Variants in RAP1GDS1 observed in about 807,000 individuals in gnomAD.
The protein encoded by RAP1GDS1 is Rap1 GTPase-GDP dissociation stimulator 1, also known as RAP1, GTP-GDP dissociation stimulator 1.
In RAP1GDS1, 35 loss-of-function variants were observed where a neutral mutation model predicts 71.1. That is an observed-to-expected ratio of 0.49 (90% CI 0.38 to 0.65). RAP1GDS1 has a LOEUF of 0.65. RAP1GDS1 is among the 30% of genes least tolerant of loss of function. RAP1GDS1 has a pLI of 0.00. For synonymous variants in RAP1GDS1, 229 were observed against 243.1 expected, an observed-to-expected ratio of 0.94 and a Z score of 0.54; for missense variants, 663 against 706.1, an observed-to-expected ratio of 0.94 and a Z score of 0.69.
At chr4:98,423,718 A>AT (rs1408939326) in intron 12 of RAP1GDS1, among the ~76,000 whole-genome samples, 1 of 151,782 alleles carries the variant, frequency 6.6e-6, no homozygotes, top group African/African-American at 2.4e-5. Context: ...CTAATTTTGT[A>AT]TTTTTAGTAG....
intron 6 of RAP1GDS1, among the ~76,000 whole-genome samples, chr4:98,403,788 A>C (rs1446868654): frequency 6.6e-6 from 1 of 152,168 alleles, no homozygotes; most frequent in African/African-American, 2.4e-5. Context: ...GAGATTGCTA[A>C]GTGTAGAGGC....
At chr4:98,342,713 C>A (rs1735667307) in intron 2 of RAP1GDS1, among the ~76,000 whole-genome samples, 1 of 151,958 alleles carries the variant, frequency 6.6e-6, no homozygotes, top group Non-Finnish European at 1.5e-5. Context: ...AGTTTTTTGC[C>A]TAATTGCCAT....
At chr4:98,410,147 C>A (rs778808601) in intron 7 of RAP1GDS1, among the ~76,000 whole-genome samples, 1 of 151,984 alleles carries the variant, frequency 6.6e-6, no homozygotes, top group Non-Finnish European at 1.5e-5. Context: ...TTTTTAAAGA[C>A]ACCGTTAAGA....
intron 1 of RAP1GDS1, among the ~76,000 whole-genome samples, chr4:98,285,463 A>C (rs1380517323): frequency 1.3e-5 from 2 of 152,166 alleles, no homozygotes. Flanking sequence ...AATTATTAAG[A>C]ATAGTTTCCA....
intron 1 of RAP1GDS1, among the ~76,000 whole-genome samples, chr4:98,283,484 G>T (rs1218770985): frequency 6.6e-6 from 1 of 152,092 alleles, no homozygotes; most frequent in African/African-American, 2.4e-5. Flanking sequence ...TATAAGTAGT[G>T]CAAGTAGTCA....
intron 7 of RAP1GDS1, among the ~76,000 whole-genome samples, chr4:98,411,074 GT>G (rs1307618424): frequency 2.6e-5 from 4 of 152,146 alleles, no homozygotes; most frequent in African/African-American, 4.8e-5. Context: ...TTTAAAAAAA[GT>G]TTTAAAATAC....
At chr4:98,418,483 C>A (rs1748328940) in intron 9 of RAP1GDS1, among the ~76,000 whole-genome samples, 174 bp from the exon 10 acceptor site, 2 of 152,018 alleles carry the variant, frequency 1.3e-5, no homozygotes, top group Admixed American at 1.3e-4. Context: ...TTTTTTTTAA[C>A]ACTTCTCACT....
chr4:98,358,041 G>A (rs1403640228), intron 4 of RAP1GDS1, among the ~76,000 whole-genome samples: 2 of 152,024 alleles, frequency 1.3e-5, no homozygotes, highest in East Asian at 1.9e-4. Flanking sequence ...GTGCTTAACT[G>A]TGTATAAGCA....
chr4:98,293,067 A>C (rs73834410), intron 1 of RAP1GDS1, among the ~76,000 whole-genome samples: 1 of 152,188 alleles, frequency 6.6e-6, no homozygotes, highest in Non-Finnish European at 1.5e-5. Flanking sequence ...GTAAAACTAT[A>C]TAATTTTTTA....
intron 6 of RAP1GDS1, 117 bp from the exon 7 acceptor site, chr4:98,404,360 C>T: frequency 2.1e-6 from 2 of 952,182 alleles, no homozygotes; most frequent in South Asian, 2.2e-5. Flanking sequence ...TGATTGTTCC[C>T]ATATTTGAAG....
intron 4 of RAP1GDS1, among the ~76,000 whole-genome samples, chr4:98,375,321 G>C (rs887760467): frequency 6.6e-6 from 1 of 152,074 alleles, no homozygotes; most frequent in Non-Finnish European, 1.5e-5. Context: ...TTAAAAATCT[G>C]CCCTACTCCA....
intron 4 of RAP1GDS1, among the ~76,000 whole-genome samples, chr4:98,359,604 A>G (rs1381155484): frequency 6.6e-6 from 1 of 152,212 alleles, no homozygotes; most frequent in Non-Finnish European, 1.5e-5. Flanking sequence ...TTTTTAAAAT[A>G]GCCAAATAGT....
intron 2 of RAP1GDS1, among the ~76,000 whole-genome samples, chr4:98,299,548 G>A (rs1487580905): frequency 6.6e-5 from 10 of 151,952 alleles, no homozygotes; most frequent in African/African-American, 2.4e-4. Context: ...AGATGTGACC[G>A]AATTGCTATA....
chr4:98,359,293 T>C (rs1231111340), intron 4 of RAP1GDS1, among the ~76,000 whole-genome samples: 1 of 152,044 alleles, frequency 6.6e-6, no homozygotes, highest in Non-Finnish European at 1.5e-5. Flanking sequence ...TAGGGAAATA[T>C]TATAGACCAA....
rs181666767 is a variant in RAP1GDS1 at position 98,336,419 on chromosome 4, A to G, written c.113-6720A>G. The stretch of plus-strand genomic sequence containing the variant: ...CTTATTCTAGTGATGATTTCCACAC[A>G]CATAACTTCTCCCACTCCCACATCC... On this transcript the variant is annotated intron_variant, in intron 2 of 14. Coordinates refer to ENST00000408927, the MANE Select transcript of RAP1GDS1 (RefSeq NM_001100427.2). Among the ~76,000 whole-genome samples, 94 of 152,336 alleles carry G rather than the reference A, an allele frequency of 6.2e-4. 1 individual carries two copies. In the East Asian group the frequency reaches 0.015, roughly 24 times the overall value.
chr4:98,293,308 T>C (rs1727236835), intron 1 of RAP1GDS1, 100 bp from the exon 2 acceptor site: 3 of 744,132 alleles, frequency 4.0e-6, no homozygotes, highest in East Asian at 2.7e-5. Context: ...TTTGCTATTA[T>C]AGGAAGCTCT....
intron 5 of RAP1GDS1, among the ~76,000 whole-genome samples, chr4:98,381,503 T>TA (rs1451099417): frequency 6.6e-6 from 1 of 151,698 alleles, no homozygotes; most frequent in Non-Finnish European, 1.5e-5. Flanking sequence ...TTTGAAGACT[T>TA]AAATATTACA....
chr4:98,326,911 G>GT (rs1210505634), intron 2 of RAP1GDS1, among the ~76,000 whole-genome samples: 1 of 152,080 alleles, frequency 6.6e-6, no homozygotes, highest in East Asian at 1.9e-4. Context: ...TAGTATAGTC[G>GT]TTTTTCTACT....
intron 6 of RAP1GDS1, among the ~76,000 whole-genome samples, chr4:98,398,541 G>A (rs575698608): frequency 6.6e-6 from 1 of 152,206 alleles, no homozygotes; most frequent in African/African-American, 2.4e-5. Context: ...AACAACATTG[G>A]CAGCCAGAAG....
Sources: allele counts gnomAD v4.1 joint callset (sites outside exome capture counted in the v4.1 genomes callset), GRCh38; gene constraint gnomAD v4.1.1; transcripts MANE v1.5; gene names NCBI Gene and HGNC (gene_info 2026-07-23, HGNC 2026-07-21).